ZNF189: variants seen among roughly 807,000 people sequenced by gnomAD.
The protein encoded by ZNF189 is zinc finger protein 189.
ZNF189 carries 33 observed loss-of-function variants against 53.5 expected under a neutral mutation model. That is an observed-to-expected ratio of 0.62 (90% confidence interval 0.47 to 0.82). ZNF189 has a LOEUF of 0.82. ZNF189 is among the 40% of genes least tolerant of loss of function. The pLI is 0.00. For synonymous variants in ZNF189, 247 were observed against 238.8 expected (o/e 1.03, Z -0.32); for missense variants, 711 against 753.9 (o/e 0.94, Z 0.67).
At chr9:101,405,593 G>A (rs554464316) in intron 2 of ZNF189, among the ~76,000 whole-genome samples, 1 of 152,260 alleles carries the variant, frequency 6.6e-6, no homozygotes, top group South Asian at 2.1e-4. Context: ...GGATGTAAAT[G>A]TGGGTAACAA....
chr9:101,404,684 T>TAA (rs1401994552), intron 2 of ZNF189, among the ~76,000 whole-genome samples: 1 of 152,246 alleles, frequency 6.6e-6, no homozygotes, highest in Non-Finnish European at 1.5e-5. Context: ...TAGGTATATA[T>TAA]TCATATCATC....
In ZNF189 at chr9:101,409,378, A is replaced by G; in HGVS notation, c.1610A>G (p.Asn537Ser). ...LIRHQGVHTG[N>S]KPHKCDECGK... Reference sequence around the variant, plus strand: ...CGACATCAGGGTGTTCACACAGGTAATAAACCCCATAAATGTGATGAATGT... The same window carrying G: ...CGACATCAGGGTGTTCACACAGGTAGTAAACCCCATAAATGTGATGAATGT... The change falls in exon 3 of 3, where the codon AAT becomes AGT. Residue 537 changes from asparagine (N) to serine (S), a missense_variant. By Grantham distance (46) the Asn-to-Ser change is conservative. Coordinates refer to ENST00000339664, the MANE Select transcript of ZNF189 (RefSeq NM_003452.4). 6.2e-7 allele frequency: 1 copy of G among 1,614,204 alleles called. No homozygotes were observed. Among genetic ancestry groups the G allele is most frequent in the Non-Finnish European group, 8.5e-7 (1 of 1,180,034 alleles).
In ZNF189 at chr9:101,409,778, A is replaced by G; in HGVS notation, c.*129A>G. ...TTGGCCTCAGGCAAATAGTTTCTAA[A>G]GATTCTGTGAATAGTGGACAACTGC... On this transcript the variant is annotated 3_prime_UTR_variant, in exon 3 of 3. Coordinates refer to ENST00000339664, the MANE Select transcript of ZNF189 (RefSeq NM_003452.4). The G allele has an allele frequency of 3.7e-6, 4 of 1,081,730 alleles. No individual in the cohort carries two copies. The highest frequency in any genetic ancestry group is 5.1e-6 in the Non-Finnish European group (4 of 779,406). The allele number at this position is 1,081,730 out of a possible 1,614,324, so 67.0% of individuals were successfully genotyped here.
Position 101,399,085 on chromosome 9 carries a change from C to G in ZNF189, c.-72C>G. On this transcript the variant is annotated 5_prime_UTR_variant, in exon 1 of 3. Transcript: ENST00000339664. ...TTCGTCGAGCCTAATTTCCAGCAGC[C>G]GGGTAGGCCTCACCAGAGGCTCCTT... 6.6e-6 allele frequency: 7 copies of G among 1,054,226 alleles called. No individual in the cohort carries two copies. The South Asian group carries it at 7.7e-5, about 12-fold the overall frequency. 65.3% of individuals were successfully genotyped at this position (1,054,226 alleles called of 1,614,324 possible).
chr9:101,408,483 C>A lies in ZNF189; in HGVS notation c.715C>A (p.Gln239Lys). 6.2e-7 allele frequency: 1 copy of A among 1,614,012 alleles called. No individual in the cohort carries two copies. Among genetic ancestry groups the A allele is most frequent in the South Asian group, 1.1e-5 (1 of 91,080 alleles). ...ERPYQCNQCK[Q>K]SFSQRRSLVK... ...ACCCTATCAGTGTAATCAGTGTAAACAGAGCTTCAGCCAGAGAAGGAGCCT... is the reference window on the plus strand; with the variant it reads ...ACCCTATCAGTGTAATCAGTGTAAAAAGAGCTTCAGCCAGAGAAGGAGCCT... The change falls in exon 3 of 3, where the codon CAG becomes AAG. Residue 239 changes from glutamine to lysine, a missense_variant. Coordinates refer to ENST00000339664, the MANE Select transcript of ZNF189 (RefSeq NM_003452.4).
chr9:101,399,781 T>TCCTAG, intron 1 of ZNF189, 103 bp from the exon 2 acceptor site: 1 of 1,556,900 alleles, frequency 6.4e-7, no homozygotes, highest in Non-Finnish European at 8.7e-7. Flanking sequence ...ATCATGTTCC[T>TCCTAG]CCTAGCCTAC....
intron 2 of ZNF189, among the ~76,000 whole-genome samples, chr9:101,402,434 A>G (rs1419799897): frequency 6.6e-6 from 1 of 152,252 alleles, no homozygotes; most frequent in Non-Finnish European, 1.5e-5. Context: ...ACACACTAAC[A>G]TGTAGTTAAG....
At chr9:101,400,089 A>G in intron 2 of ZNF189, 79 bp downstream of exon 2, 1 of 1,547,198 alleles carries the variant, frequency 6.5e-7, no homozygotes, top group Non-Finnish European at 8.8e-7. Flanking sequence ...TTGGACGGAA[A>G]CCAGTACCAA....
In ZNF189 at chr9:101,410,022, T is replaced by G; in HGVS notation, c.*373T>G. The G allele has an allele frequency of 5.9e-6, 1 of 170,160 alleles. No individual in the cohort carries two copies. The highest frequency in any genetic ancestry group is 1.3e-5 in the Non-Finnish European group (1 of 79,940). The allele number at this position is 170,160 out of a possible 1,614,324, so 10.5% of individuals were successfully genotyped here. On this transcript the variant is annotated 3_prime_UTR_variant, in exon 3 of 3. Coordinates refer to ENST00000339664, the MANE Select transcript of ZNF189 (RefSeq NM_003452.4). ...AGAGTCTTCTGTCACCATGTCATAT[T>G]GTGGTTCTTTCAGTTCCATGATATG...
intron 1 of ZNF189, 49 bp downstream of exon 1, chr9:101,399,238 G>C: frequency 6.5e-7 from 1 of 1,526,788 alleles, no homozygotes; most frequent in Non-Finnish European, 9.0e-7. Context: ...CGCTACCCCA[G>C]CTAGGCCGCA....
In ZNF189 at chr9:101,409,219, A is replaced by G. The variant is rs368122226; in HGVS notation, c.1451A>G (p.Tyr484Cys). The change falls in exon 3 of 3, where the codon TAT (tyrosine) becomes TGT (cysteine). Residue 484 changes from tyrosine (Y) to cysteine (C), a missense_variant. Tyr to Cys is a radical substitution (Grantham distance 194). Transcript: ENST00000339664. ...AGAATCCACACTGGTGAAAAGCCCTATCTATGTACTGTCTGTGGGAAAAGC... is the reference window on the plus strand; with the variant it reads ...AGAATCCACACTGGTGAAAAGCCCTGTCTATGTACTGTCTGTGGGAAAAGC... Reference protein sequence around the residue: ...HQRIHTGEKPYLCTVCGKSFS... With the variant: ...HQRIHTGEKPCLCTVCGKSFS... 63 of 1,613,024 alleles carry G rather than the reference A, an allele frequency of 3.9e-5. No homozygotes were observed. Among genetic ancestry groups the G allele is most frequent in the Non-Finnish European group, 5.1e-5 (60 of 1,179,494 alleles).
At chr9:101,407,849 CTTTG>C (rs1830770219) in intron 2 of ZNF189, 76 bp from the exon 3 acceptor site, 4 of 1,369,058 alleles carry the variant, frequency 2.9e-6, no homozygotes, top group African/African-American at 1.5e-5. Flanking sequence ...TTATTTGTTT[CTTTG>C]TTTGCCCATC....
rs754909449 is a variant in ZNF189 at position 101,409,166 on chromosome 9, T to C, written c.1398T>C (p.Ser466=). 1 of 1,614,078 alleles carries C rather than the reference T, an allele frequency of 6.2e-7. No homozygotes were observed. ...GTGATGAATGTGGGAAAACTTTTAG[T>C]GTTAGTGCTCATCTTGTACAACATC... ...YKCDECGKTF[S]VSAHLVQHQR... is the part of the protein sequence containing the mutation. Residue 466 remains serine (S), a synonymous_variant, in exon 3 of 3, where the codon AGT becomes AGC. Transcript: ENST00000339664.
Position 101,409,288 on chromosome 9 carries a change from C to A in ZNF189, c.1520C>A (p.Thr507Asn). The change falls in exon 3 of 3, where the codon ACT (threonine) becomes AAT (asparagine). Residue 507 changes from threonine (T) to asparagine (N), a missense_variant. Coordinates refer to ENST00000339664, the MANE Select transcript of ZNF189 (RefSeq NM_003452.4). ...SFLIEHQRIH[T>N]GERPYLCRQC... ...CTTATTGAACATCAGAGAATCCACA[C>A]TGGTGAGAGACCCTATCTGTGCAGA... The A allele has an allele frequency of 6.2e-7, 1 of 1,614,180 alleles. No homozygotes were observed. Among genetic ancestry groups the A allele is most frequent in the South Asian group, 1.1e-5 (1 of 91,090 alleles).
chr9:101,402,777 A>G lies in ZNF189; in HGVS notation c.160+2767A>G, dbSNP rs545905440. Among the ~76,000 whole-genome samples, 141 of 152,260 alleles carry G rather than the reference A, an allele frequency of 9.3e-4. 2 individuals carry two copies. Among genetic ancestry groups the G allele is most frequent in the Non-Finnish European group, 1.4e-3 (92 of 68,018 alleles). ...TAGCACAGAGCCAGGCCTATATTAT[A>G]TGCTTCTTAAATATTTATATGACTG... On this transcript the variant is annotated intron_variant, in intron 2 of 2. Coordinates refer to ENST00000339664, the MANE Select transcript of ZNF189 (RefSeq NM_003452.4).
rs1343986377 is a variant in ZNF189 at position 101,409,854 on chromosome 9, G to A, written c.*205G>A. 7.3e-6 allele frequency: 4 copies of A among 551,662 alleles called. No individual in the cohort carries two copies. The highest frequency in any genetic ancestry group is 3.2e-5 in the East Asian group (1 of 31,624). The allele number at this position is 551,662 out of a possible 1,614,324, so 34.2% of individuals were successfully genotyped here. On this transcript the variant is annotated 3_prime_UTR_variant, in exon 3 of 3. Transcript: ENST00000339664. The stretch of plus-strand genomic sequence containing the variant: ...CTTTGATGATCGTAGAGAAAGACTT[G>A]GTAATTTATCTAAGTATCTTTAATA...
rs1297933825 is a variant in ZNF189, at chr9:101,409,789, A to G, written c.*140A>G. The G allele has an allele frequency of 2.6e-5, 25 of 950,296 alleles. No homozygotes were observed. Among genetic ancestry groups the G allele is most frequent in the Non-Finnish European group, 3.6e-5 (24 of 661,360 alleles). The allele number at this position is 950,296 out of a possible 1,614,324, so 58.9% of individuals were successfully genotyped here. On this transcript the variant is annotated 3_prime_UTR_variant, in exon 3 of 3. Transcript: ENST00000339664. The stretch of plus-strand genomic sequence containing the variant: ...CAAATAGTTTCTAAAGATTCTGTGA[A>G]TAGTGGACAACTGCCCATGAGCATT...
Position 101,408,925 on chromosome 9 carries a change from A to G in ZNF189, c.1157A>G (p.Asn386Ser), listed in dbSNP as rs1198039711. ...ECGKSFSQLC[N>S]LTRHQRIHTG... is the part of the protein sequence containing the mutation. ...GGGAAAAGTTTCAGTCAGCTTTGCA[A>G]CCTTACTCGTCATCAGAGAATTCAC... Residue 386 changes from asparagine (N) to serine (S), a missense_variant, in exon 3 of 3, where the codon AAC (asparagine) becomes AGC (serine). Transcript: ENST00000339664. The G allele has an allele frequency of 1.6e-5, 26 of 1,613,942 alleles. No homozygotes were observed. Among genetic ancestry groups the G allele is most frequent in the Non-Finnish European group, 2.2e-5 (26 of 1,179,984 alleles).
At position 101,409,165 on chromosome 9, in the gene ZNF189, G is replaced by A; in HGVS notation, c.1397G>A (p.Ser466Asn). 6.2e-7 allele frequency: 1 copy of A among 1,614,096 alleles called. No homozygotes were observed. The highest frequency in any genetic ancestry group is 8.5e-7 in the Non-Finnish European group (1 of 1,180,006). Reference sequence around the variant, plus strand: ...TGTGATGAATGTGGGAAAACTTTTAGTGTTAGTGCTCATCTTGTACAACAT... The same window carrying A: ...TGTGATGAATGTGGGAAAACTTTTAATGTTAGTGCTCATCTTGTACAACAT... ...YKCDECGKTF[S>N]VSAHLVQHQR... The change falls in exon 3 of 3, where the codon AGT becomes AAT. Residue 466 changes from serine to asparagine, a missense_variant. Physicochemically the swap from Ser to Asn is conservative, Grantham distance 46 (BLOSUM62 1). Transcript: ENST00000339664.
Sources: gnomAD v4.1 joint callset for allele counts (sites outside exome capture counted in the v4.1 genomes callset) on GRCh38, gnomAD v4.1.1 for gene constraint, MANE v1.5 for transcripts, NCBI Gene and HGNC (gene_info 2026-07-23, HGNC 2026-07-21) for gene names.